Variants in CPT1A observed in about 807,000 individuals in gnomAD.
CPT1A encodes the protein carnitine palmitoyltransferase 1A, also known as carnitine O-palmitoyltransferase 1, liver isoform.
A neutral mutation model predicts 100.8 loss-of-function variants in CPT1A; 64 were observed. That is an observed-to-expected ratio of 0.63 (90% CI 0.52 to 0.78). The LOEUF (loss-of-function observed/expected upper bound fraction) is 0.78. CPT1A is among the 30% of genes least tolerant of loss of function. The pLI, the probability that CPT1A is intolerant of heterozygous loss-of-function variation, is 0.00. For synonymous variants in CPT1A, 363 were observed against 396.0 expected, an observed-to-expected ratio of 0.92 and a Z score of 0.99; for missense variants, 802 against 1,034.1, an observed-to-expected ratio of 0.78 and a Z score of 3.08.
chr11:68,774,832 A>G (rs1371805648), intron 13 of CPT1A, among the ~76,000 whole-genome samples: 1 of 151,618 alleles, frequency 6.6e-6, no homozygotes, highest in Non-Finnish European at 1.5e-5. Flanking sequence ...ACTCCAGGGA[A>G]TTTCTCCTTG....
intron 16 of CPT1A, among the ~76,000 whole-genome samples, chr11:68,760,675 T>C (rs953915647): frequency 6.6e-6 from 1 of 152,186 alleles, no homozygotes; most frequent in African/African-American, 2.4e-5. Context: ...AGCTGCCATA[T>C]TTTCAGAGAA....
intron 1 of CPT1A, among the ~76,000 whole-genome samples, chr11:68,838,572 T>TTTAAAAAA (rs1491356211): frequency 3.1e-5 from 3 of 95,514 alleles, no homozygotes; most frequent in African/African-American, 1.5e-4. Flanking sequence ...TGCACCTTTT[T>TTTAAAAAA]AAAAAAAAAA....
chr11:68,818,236 G>A (rs376485191), intron 1 of CPT1A, among the ~76,000 whole-genome samples: 13 of 152,178 alleles, frequency 8.5e-5, no homozygotes, highest in African/African-American at 3.1e-4. Flanking sequence ...GCACTTGCTG[G>A]TGAAATGGGC....
At chr11:68,799,420 C>A in intron 5 of CPT1A, 65 bp from the exon 6 acceptor site, 1 of 1,562,568 alleles carries the variant, frequency 6.4e-7, no homozygotes, top group East Asian at 2.2e-5. Flanking sequence ...CCTATGTTTG[C>A]CTCACTTGTG....
intron 10 of CPT1A, 81 bp downstream of exon 10, chr11:68,784,734 G>T: frequency 1.5e-6 from 2 of 1,372,502 alleles, no homozygotes; most frequent in Non-Finnish European, 2.0e-6. Flanking sequence ...GATTCCCACA[G>T]GCCCTGGTGG....
At chr11:68,823,420 T>A (rs560555903) in intron 1 of CPT1A, among the ~76,000 whole-genome samples, 2 of 152,310 alleles carry the variant, frequency 1.3e-5, no homozygotes, top group African/African-American at 4.8e-5. Context: ...GGGGTGGATA[T>A]GTTATTATTT....
intron 1 of CPT1A, among the ~76,000 whole-genome samples, chr11:68,838,158 T>C (rs1857056796): frequency 6.6e-6 from 1 of 152,024 alleles, no homozygotes; most frequent in South Asian, 2.1e-4. Flanking sequence ...CCCTCCAAGG[T>C]GACGGTGACC....
intron 10 of CPT1A, 128 bp from the exon 11 acceptor site, chr11:68,782,087 T>C (rs1361544470): frequency 2.3e-6 from 2 of 864,268 alleles, no homozygotes; most frequent in Non-Finnish European, 3.7e-6. Context: ...ATGTTGATGA[T>C]GTTCCCCATC....
At chr11:68,766,661 AT>A (rs1486425017) in intron 14 of CPT1A, among the ~76,000 whole-genome samples, 1 of 151,342 alleles carries the variant, frequency 6.6e-6, no homozygotes, top group Admixed American at 6.6e-5. Context: ...AATTTTTTGC[AT>A]TTTTTGGTAG....
intron 1 of CPT1A, among the ~76,000 whole-genome samples, chr11:68,831,659 A>G (rs1856884768): frequency 6.7e-6 from 1 of 150,030 alleles, no homozygotes. Context: ...TTTGAGACGA[A>G]GTTTTGCTCC....
chr11:68,840,585 A>G (rs1216695067), intron 1 of CPT1A, among the ~76,000 whole-genome samples: 1 of 152,244 alleles, frequency 6.6e-6, no homozygotes, highest in African/African-American at 2.4e-5. Context: ...AGTTGGGAAT[A>G]TTAACTTTGT....
chr11:68,774,781 CAA>C lies in CPT1A; in HGVS notation c.1575+533_1575+534del, dbSNP rs1169875761. ...TGGGTGACAGTGCGAGACTACATCT[CAA>C]AAAAAAAAAAAAAAAAGAAAAAGAA... On this transcript the variant is annotated intron_variant, in intron 13 of 18. Coordinates refer to ENST00000265641, the MANE Select transcript of CPT1A (RefSeq NM_001876.4). Among the ~76,000 whole-genome samples, 18 of 54,264 alleles carry C rather than the reference CAA, an allele frequency of 3.3e-4. No individual in the cohort carries two copies. The highest frequency in any genetic ancestry group is 4.5e-4 in the Admixed American group (2 of 4,464). The allele number at this position is 54,264 out of a possible 152,430, so 35.6% of individuals were successfully genotyped here.
intron 14 of CPT1A, among the ~76,000 whole-genome samples, chr11:68,770,494 T>G (rs539923164): frequency 7.2e-5 from 11 of 152,316 alleles, no homozygotes; most frequent in African/African-American, 2.6e-4. Flanking sequence ...CACTTTTACT[T>G]TGAAGCAGTA....
chr11:68,761,839 G>A (rs1332855349), intron 15 of CPT1A, 152 bp from the exon 16 acceptor site: 3 of 872,118 alleles, frequency 3.4e-6, no homozygotes, highest in African/African-American at 1.7e-5. Flanking sequence ...TCGAACTCCT[G>A]AGCTCAGGCA....
intron 1 of CPT1A, among the ~76,000 whole-genome samples, chr11:68,825,533 G>A (rs141973548): frequency 5.3e-5 from 8 of 152,160 alleles, no homozygotes; most frequent in Admixed American, 1.3e-4. Flanking sequence ...CCCTTACCCC[G>A]TCCCCACTAC....
chr11:68,781,838 T>G lies in CPT1A; in HGVS notation c.1285A>C (p.Ser429Arg). 1.2e-6 allele frequency: 2 copies of G among 1,614,146 alleles called. No homozygotes were observed. The highest frequency in any genetic ancestry group is 1.7e-6 in the Non-Finnish European group (2 of 1,180,036). ...TCCATTGACGTATCCGGGTCTTCAC[T>G]TCTGTATCCTTCTTCAGTTTCATCT... ...TLDETEEGYR[S>R]EDPDTSMDSY... The change falls in exon 11 of 19, where the codon AGT becomes CGT. Residue 429 changes from serine to arginine, a missense_variant. Transcript: ENST00000265641.
chr11:68,776,634 T>G (rs2085063), intron 12 of CPT1A, among the ~76,000 whole-genome samples: 121,142 of 151,984 alleles, frequency 0.8, 48,722 homozygotes, highest in East Asian at 0.88. Context: ...ATCCTAGCAC[T>G]TTGGGAGGCC....
At chr11:68,836,166 T>C (rs1857004047) in intron 1 of CPT1A, among the ~76,000 whole-genome samples, 2 of 152,156 alleles carry the variant, frequency 1.3e-5, no homozygotes. Flanking sequence ...CCACTGTGTG[T>C]ATTTGAAGAA....
At chr11:68,782,410 C>T (rs974856906) in intron 10 of CPT1A, among the ~76,000 whole-genome samples, 1 of 152,176 alleles carries the variant, frequency 6.6e-6, no homozygotes, top group Admixed American at 6.5e-5. Flanking sequence ...ACTTACTGAT[C>T]TTCTCAATGC....
Sources: gnomAD v4.1 joint callset for allele counts (sites outside exome capture counted in the v4.1 genomes callset) on GRCh38, gnomAD v4.1.1 for gene constraint, MANE v1.5 for transcripts, NCBI Gene and HGNC (gene_info 2026-07-23, HGNC 2026-07-21) for gene names.